The following ABCG2 variants were observed in gnomAD, a reference collection of about 807,000 sequenced individuals.
ABCG2 encodes broad substrate specificity ATP-binding cassette transporter ABCG2.
A neutral mutation model predicts 73.5 loss-of-function variants in ABCG2; 80 were observed. That is an observed-to-expected ratio of 1.09 (90% CI 0.91 to 1.31). The LOEUF is 1.31. Ranked by LOEUF, ABCG2 falls within the 50% of genes most tolerant of loss-of-function variation. The pLI, the probability that ABCG2 is intolerant of heterozygous loss-of-function variation, is 0.00. For missense variants in ABCG2, 796 were observed against 786.2 expected, an observed-to-expected ratio of 1.01 and a Z score of -0.15; for synonymous variants, 269 against 282.4, an observed-to-expected ratio of 0.95 and a Z score of 0.48.
chr4:88,101,427 G>T, intron 10 of ABCG2, 108 bp from the exon 11 acceptor site: 1 of 948,382 alleles, frequency 1.1e-6, no homozygotes, highest in Non-Finnish European at 1.6e-6. Context: ...AGTTAAGCAG[G>T]AAAAAAAGGG....
chr4:88,193,584 C>T (rs1728795145), intron 1 of ABCG2, among the ~76,000 whole-genome samples: 1 of 151,984 alleles, frequency 6.6e-6, no homozygotes, highest in Non-Finnish European at 1.5e-5. Flanking sequence ...TCTGAATTAT[C>T]CTGGATCATA....
chr4:88,094,914 C>T (rs1217744358), intron 14 of ABCG2, among the ~76,000 whole-genome samples: 1 of 152,206 alleles, frequency 6.6e-6, no homozygotes, highest in Non-Finnish European at 1.5e-5. Context: ...TATACTACAC[C>T]ATAGCTCCTT....
At chr4:88,164,018 T>A (rs1366625415), upstream of ABCG2, 1 of 153,090 alleles carries the variant, frequency 6.5e-6, no homozygotes, top group Non-Finnish European at 1.5e-5. Flanking sequence ...CTTTATATAT[T>A]TTTTTTAAAA....
intron 1 of ABCG2, among the ~76,000 whole-genome samples, chr4:88,191,778 C>T (rs1012125082): frequency 1.1e-4 from 17 of 152,100 alleles, no homozygotes; most frequent in Admixed American, 6.6e-5. Flanking sequence ...GTTCAGCAAT[C>T]AAAATTAATG....
intron 5 of ABCG2, among the ~76,000 whole-genome samples, chr4:88,122,005 C>T (rs902790487): frequency 1.3e-5 from 2 of 152,032 alleles, no homozygotes; most frequent in Admixed American, 6.6e-5. Context: ...AGTAACTAAG[C>T]CTGATACAAA....
At position 88,097,533 on chromosome 4, in the gene ABCG2, T is replaced by A. The variant is rs745473062; in HGVS notation, c.1567A>T (p.Met523Leu). The change falls in exon 13 of 16, where the codon ATG becomes TTG. Residue 523 changes from methionine to leucine, a missense_variant. Physicochemically the swap from Met to Leu is conservative, Grantham distance 15. Transcript: ENST00000237612. ...LMMVAYSASS[M>L]ALAIAAGQSV... is the part of the protein sequence containing the mutation. ...TGACCTGCTGCTATGGCCAGTGCCA[T>A]GGAACTGGCTGAATAAGCCACCATC... 2.7e-5 allele frequency: 43 copies of A among 1,614,078 alleles called. No homozygotes were observed. Among genetic ancestry groups the A allele is most frequent in the Non-Finnish European group, 3.6e-5 (43 of 1,180,030 alleles).
intron 1 of ABCG2, among the ~76,000 whole-genome samples, chr4:88,184,686 A>G (rs1329257224): frequency 1.3e-5 from 2 of 152,188 alleles, no homozygotes; most frequent in African/African-American, 2.4e-5. Flanking sequence ...TCATCATAAG[A>G]ATAGAAAAAC....
chr4:88,202,762 A>G (rs1729234159), intron 1 of ABCG2, among the ~76,000 whole-genome samples: 2 of 152,042 alleles, frequency 1.3e-5, no homozygotes, highest in South Asian at 2.1e-4. Context: ...AGGAGGCTAA[A>G]GCAGGAGGAT....
chr4:88,112,650 G>C (rs182458344), intron 9 of ABCG2, among the ~76,000 whole-genome samples: 2 of 152,202 alleles, frequency 1.3e-5, no homozygotes, highest in Admixed American at 1.3e-4. Flanking sequence ...ATAAGAACAA[G>C]TTGAATGAAT....
intron 1 of ABCG2, among the ~76,000 whole-genome samples, chr4:88,216,743 A>C (rs1402443144): frequency 6.6e-6 from 1 of 152,130 alleles, no homozygotes; most frequent in Non-Finnish European, 1.5e-5. Flanking sequence ...AAAATTTTGC[A>C]CTGTGTCCAA....
intron 10 of ABCG2, among the ~76,000 whole-genome samples, chr4:88,104,656 C>A (rs368696969): frequency 2.2e-3 from 103 of 47,774 alleles, no homozygotes; most frequent in Admixed American, 5.8e-3. Context: ...TACCCTAGAG[C>A]TTTGGGGGAA....
chr4:88,113,503 A>C lies in ABCG2; in HGVS notation c.994T>G (p.Leu332Val). 1 of 1,613,774 alleles carries C rather than the reference A, an allele frequency of 6.2e-7. No homozygotes were observed. Among genetic ancestry groups the C allele is most frequent in the Non-Finnish European group, 8.5e-7 (1 of 1,179,940 alleles). ...SKQDKPLIEK[L>V]AEIYVNSSFY... ...GAGGAGTTGACATAAATCTCCGCTA[A>C]TTTTTCTATGAGTGGCTTATCCTGC... Residue 332 changes from leucine to valine, a missense_variant, in exon 9 of 16, where the codon TTA (leucine) becomes GTA (valine). By Grantham distance (32) the Leu-to-Val change is conservative (BLOSUM62 1). Coordinates refer to ENST00000237612, the MANE Select transcript of ABCG2 (RefSeq NM_004827.3).
At chr4:88,223,065 A>G (rs530232339) in intron 1 of ABCG2, among the ~76,000 whole-genome samples, 1 of 152,330 alleles carries the variant, frequency 6.6e-6, no homozygotes, top group East Asian at 1.9e-4. Context: ...CCCATTTGGA[A>G]TGGGTGTATT....
intron 1 of ABCG2, among the ~76,000 whole-genome samples, chr4:88,156,091 G>C (rs10017678): frequency 4.0e-5 from 6 of 151,166 alleles, no homozygotes; most frequent in Non-Finnish European, 8.9e-5. Flanking sequence ...AAAAGAAAAA[G>C]AGTCCGGGCA....
At chr4:88,115,661 G>A (rs1437729810) in intron 7 of ABCG2, among the ~76,000 whole-genome samples, 1 of 150,418 alleles carries the variant, frequency 6.6e-6, no homozygotes, top group Non-Finnish European at 1.5e-5. Flanking sequence ...AACACTCCAA[G>A]CCAACCTTGG....
intron 1 of ABCG2, among the ~76,000 whole-genome samples, chr4:88,157,612 T>C (rs1292995887): frequency 1.3e-5 from 2 of 152,242 alleles, no homozygotes; most frequent in Non-Finnish European, 2.9e-5. Context: ...TCAATGTTTA[T>C]AATGGAAGGG....
At chr4:88,130,855 G>A (rs967973688) in intron 5 of ABCG2, among the ~76,000 whole-genome samples, 1 of 152,140 alleles carries the variant, frequency 6.6e-6, no homozygotes. Context: ...CTCACTTCAG[G>A]TGCAGAATTC....
In ABCG2 at chr4:88,181,398, C is replaced by CAAAAAA. The variant is rs57417105; in HGVS notation, c.-19-41390_-19-41385dup. ...CTGGTGACAGAGCAAGACTCCATCT[C>CAAAAAA]AAAAAAAAAAAAAAAAAAAAAAAAA... On this transcript the variant is annotated intron_variant, in intron 1 of 15. Transcript: ENST00000515655. Among the ~76,000 whole-genome samples, 143 of 96,806 alleles carry CAAAAAA rather than the reference C, an allele frequency of 1.5e-3. 2 individuals are homozygous for CAAAAAA. Among genetic ancestry groups the CAAAAAA allele is most frequent in the African/African-American group, 4.8e-3 (97 of 20,370 alleles). 63.5% of individuals were successfully genotyped at this position (96,806 alleles called of 152,430 possible).
chr4:88,187,331 G>C (rs1728506930), intron 1 of ABCG2, among the ~76,000 whole-genome samples: 1 of 152,058 alleles, frequency 6.6e-6, no homozygotes, highest in Non-Finnish European at 1.5e-5. Flanking sequence ...GATAAATGTT[G>C]ACCAGGTGCG....
Sources: allele counts gnomAD v4.1 joint callset (sites outside exome capture counted in the v4.1 genomes callset), GRCh38; gene constraint gnomAD v4.1.1; transcripts MANE v1.5; gene names NCBI Gene and HGNC (gene_info 2026-07-23, HGNC 2026-07-21).